The following LOC128125822 variants were observed in gnomAD, a reference collection of about 807,000 sequenced individuals.
chr6:63,577,853 A>AG, the LOC128125822 span, among the ~76,000 whole-genome samples: 2 of 149,460 alleles, frequency 1.3e-5, no homozygotes, highest in African/African-American at 4.9e-5. Context: ...TATATATTAT[A>AG]TATACACTAA....
chr6:63,577,855 A>G, the LOC128125822 span, among the ~76,000 whole-genome samples: 1 of 149,486 alleles, frequency 6.7e-6, no homozygotes, highest in African/African-American at 2.4e-5. Context: ...TATATTATAT[A>G]TACACTAATA....
At chr6:63,579,500 C>G in the LOC128125822 span, among the ~76,000 whole-genome samples, 2 of 152,172 alleles carry the variant, frequency 1.3e-5, no homozygotes, top group African/African-American at 4.8e-5. Flanking sequence ...TGCAGTTGCT[C>G]ATATTACTAA....
chr6:63,575,133 G>A, the LOC128125822 span, among the ~76,000 whole-genome samples: 1 of 152,152 alleles, frequency 6.6e-6, no homozygotes, highest in Non-Finnish European at 1.5e-5. Context: ...TAACTAGCAT[G>A]GGACTATTTA....
chr6:63,577,661 A>G, the LOC128125822 span, among the ~76,000 whole-genome samples: 6 of 152,084 alleles, frequency 3.9e-5, no homozygotes, highest in African/African-American at 1.2e-4. Flanking sequence ...GGTTCAAGCA[A>G]TTCTCCTGCC....
chr6:63,583,330 A>G, the LOC128125822 span: 222 of 152,344 alleles, frequency 1.5e-3, no homozygotes, highest in African/African-American at 5.0e-3. Flanking sequence ...TTGTGTGTAT[A>G]TATGTGCCTC....
At chr6:63,576,291 T>C in the LOC128125822 span, 1 of 385,356 alleles carries the variant, frequency 2.6e-6, no homozygotes, top group Non-Finnish European at 4.6e-6. Context: ...CCCTTGAGTT[T>C]TGCAATTCAA....
the LOC128125822 span, among the ~76,000 whole-genome samples, chr6:63,575,783 CAT>C: frequency 3.3e-5 from 5 of 152,108 alleles, no homozygotes; most frequent in Non-Finnish European, 7.4e-5. Context: ...TTCAGAGACT[CAT>C]TTTCCTCGTC....
the LOC128125822 span, chr6:63,582,628 C>T: frequency 2.0e-5 from 3 of 152,318 alleles, no homozygotes; most frequent in Admixed American, 2.0e-4. Flanking sequence ...GGTTTGGATA[C>T]CCTTAGTGGG....
the LOC128125822 span, chr6:63,578,316 T>G: frequency 8.4e-7 from 1 of 1,186,918 alleles, no homozygotes; most frequent in Non-Finnish European, 1.1e-6. Flanking sequence ...GATTCTAGCA[T>G]TCTTTAAATG....
At chr6:63,578,005 T>C in the LOC128125822 span, among the ~76,000 whole-genome samples, 1 of 151,912 alleles carries the variant, frequency 6.6e-6, no homozygotes, top group African/African-American at 2.4e-5. Context: ...ATCAGTAAAG[T>C]TTAAGGAGTG....
chr6:63,577,969 T>C, the LOC128125822 span, among the ~76,000 whole-genome samples: 1 of 135,748 alleles, frequency 7.4e-6, no homozygotes, highest in Non-Finnish European at 1.5e-5. Context: ...GCTTTTTTAC[T>C]GTAGTTAAGA....
At chr6:63,573,587 G>T in the LOC128125822 span, 1 of 152,298 alleles carries the variant, frequency 6.6e-6, no homozygotes, top group Non-Finnish European at 1.5e-5. Flanking sequence ...CTGCACCCCT[G>T]CCCGGGCCAG....
the LOC128125822 span, among the ~76,000 whole-genome samples, chr6:63,578,023 T>C: frequency 6.6e-6 from 1 of 152,062 alleles, no homozygotes; most frequent in Non-Finnish European, 1.5e-5. Flanking sequence ...GTGAGTATAA[T>C]TGAGTGAAGT....
At chr6:63,572,903 C>T in the LOC128125822 span, among the ~76,000 whole-genome samples, 5 of 151,980 alleles carry the variant, frequency 3.3e-5, no homozygotes, top group Non-Finnish European at 5.9e-5. Flanking sequence ...GCCGGCTGTG[C>T]GGAGGCAGAT....
At chr6:63,578,637 G>C in the LOC128125822 span, 1 of 1,403,820 alleles carries the variant, frequency 7.1e-7, no homozygotes, top group Non-Finnish European at 9.5e-7. Context: ...ACCTCAAAAA[G>C]CTAAAAACAA....
the LOC128125822 span, chr6:63,579,989 T>C: frequency 1.7e-6 from 2 of 1,162,734 alleles, no homozygotes; most frequent in East Asian, 4.7e-5. Context: ...GATGGTTGTC[T>C]ATAAGACACT....
chr6:63,579,460 TC>T, the LOC128125822 span: 18 of 608,990 alleles, frequency 3.0e-5, no homozygotes, highest in Non-Finnish European at 4.4e-5. Context: ...AACCAGGAAA[TC>T]AAGATCTTAC....
At chr6:63,579,339 A>G in the LOC128125822 span, 8 of 1,579,502 alleles carry the variant, frequency 5.1e-6, no homozygotes, top group Non-Finnish European at 6.9e-6. Context: ...ACAGTAAGTA[A>G]TGGATTCTCT....
chr6:63,579,207 C>T, the LOC128125822 span: 2 of 1,537,230 alleles, frequency 1.3e-6, no homozygotes, highest in South Asian at 1.2e-5. Context: ...AATAAATTTA[C>T]AAAGATCTGA....
Sources: gnomAD v4.1 joint callset for allele counts (sites outside exome capture counted in the v4.1 genomes callset) on GRCh38, gnomAD v4.1.1 for gene constraint, MANE v1.5 for transcripts.